The following SVIL variants were observed in gnomAD, a reference collection of about 807,000 sequenced individuals.
SVIL encodes the protein supervillin.
In SVIL, 101 loss-of-function variants were observed where a neutral mutation model predicts 240.4. That is an observed-to-expected ratio of 0.42 (90% CI 0.36 to 0.50). The LOEUF is 0.50. Among genes scored for constraint, SVIL ranks in the 20% least tolerant of loss-of-function variants. The pLI is 0.01. For missense variants in SVIL, 2,512 were observed against 2,818.7 expected, an observed-to-expected ratio of 0.89 and a Z score of 2.46; for synonymous variants, 999 against 1,100.0, an observed-to-expected ratio of 0.91 and a Z score of 1.82.
At chr10:29,522,273 T>A in intron 16 of SVIL, 137 bp downstream of exon 16, 3 of 875,370 alleles carry the variant, frequency 3.4e-6, no homozygotes, top group Non-Finnish European at 5.2e-6. Context: ...CTAGAATTAC[T>A]CCAGGACAAC....
In SVIL at chr10:29,467,869, G is replaced by A. The variant is rs745455688; in HGVS notation, c.5850C>T (p.Pro1950=). ...TGCTACTATGCAGTCCTGCTTCCAG[G>A]GGACATCTGCAAGGGAGAAACTCCA... ...TAANKIKEQC[P]LEAGLHSSSK... The change falls in exon 33 of 38, where the codon CCC becomes CCT. Residue 1950 remains proline (P), a synonymous_variant. Transcript: ENST00000355867. 3 of 1,614,068 alleles carry A rather than the reference G, an allele frequency of 1.9e-6. No homozygotes were observed. Among genetic ancestry groups the A allele is most frequent in the South Asian group, 2.2e-5 (2 of 91,058 alleles).
At chr10:29,468,395 A>G (rs1400103386) in intron 32 of SVIL, among the ~76,000 whole-genome samples, 7 of 152,100 alleles carry the variant, frequency 4.6e-5, no homozygotes, top group East Asian at 1.9e-4. Flanking sequence ...TTTGGCCACT[A>G]TGACTAATAT....
intron 3 of SVIL, chr10:29,643,907 C>A (rs959996023): frequency 6.2e-6 from 3 of 486,112 alleles, no homozygotes; most frequent in Non-Finnish European, 8.2e-6. Context: ...GAGATGTGAA[C>A]TTGCCAGGGG....
intron 28 of SVIL, 25 bp downstream of exon 28, chr10:29,481,559 T>G (rs773774756): frequency 6.2e-7 from 1 of 1,612,216 alleles, no homozygotes; most frequent in Non-Finnish European, 8.5e-7. Context: ...AAGCCCCGAG[T>G]TTTGAGGCTT....
chr10:29,729,450 GGTGTGTGTGTGT>G (rs55940009), intron 1 of SVIL, among the ~76,000 whole-genome samples: 20,778 of 136,550 alleles, frequency 0.15, 1,939 homozygotes, highest in African/African-American at 0.26. Context: ...TGTTTATGGA[GGTGTGTGTGTGT>G]GTGTGTGTGT....
chr10:29,718,498 A>G lies in SVIL; in HGVS notation c.-400+17253T>C, dbSNP rs902394646. ...GCATCTAAAAGTTTCTTAGAAATGTAGAGTCTCAGACCCTAGCAAAAACCT... is the reference window on the plus strand; with the variant it reads ...GCATCTAAAAGTTTCTTAGAAATGTGGAGTCTCAGACCCTAGCAAAAACCT... On this transcript the variant is annotated intron_variant, in intron 1 of 35. Transcript: ENST00000375400. Among the ~76,000 whole-genome samples the G allele has an allele frequency of 2.6e-5, 4 of 152,284 alleles. No homozygotes were observed. The South Asian group carries it at 6.2e-4, about 24-fold the overall frequency.
At chr10:29,544,248 G>T (rs1171272174) in intron 6 of SVIL, among the ~76,000 whole-genome samples, 1 of 152,098 alleles carries the variant, frequency 6.6e-6, no homozygotes, top group Non-Finnish European at 1.5e-5. Flanking sequence ...ATTAACTTTT[G>T]AATCTCATTA....
chr10:29,617,612 GA>G, intron 1 of SVIL, among the ~76,000 whole-genome samples: 1 of 151,546 alleles, frequency 6.6e-6, no homozygotes, highest in Admixed American at 6.6e-5. Context: ...AAAAAAAAGA[GA>G]AATTCTGTCT....
intron 16 of SVIL, among the ~76,000 whole-genome samples, chr10:29,515,382 TTATCC>T (rs1398500326): frequency 5.8e-4 from 89 of 152,350 alleles, no homozygotes; most frequent in African/African-American, 2.1e-3. Flanking sequence ...TGAGTCAGTT[TTATCC>T]TAATAAAATA....
At chr10:29,511,199 C>A (rs1294705742) in intron 17 of SVIL, among the ~76,000 whole-genome samples, 1 of 136,368 alleles carries the variant, frequency 7.3e-6, no homozygotes, top group East Asian at 2.0e-4. Flanking sequence ...AAACCTTAGC[C>A]AGCGTTCAGG....
chr10:29,524,869 T>C (rs1950794333), intron 13 of SVIL, among the ~76,000 whole-genome samples, 154 bp from the exon 14 acceptor site: 1 of 151,972 alleles, frequency 6.6e-6, no homozygotes, highest in Admixed American at 6.6e-5. Context: ...GCTGTTCAGC[T>C]ACTCAACAAG....
intron 16 of SVIL, among the ~76,000 whole-genome samples, chr10:29,517,163 G>T (rs1436169938): frequency 6.6e-6 from 1 of 152,132 alleles, no homozygotes; most frequent in Non-Finnish European, 1.5e-5. Context: ...TGTAATCCCA[G>T]CACTTTGGAA....
At chr10:29,562,419 G>C (rs1398024749) in intron 3 of SVIL, among the ~76,000 whole-genome samples, 1 of 152,224 alleles carries the variant, frequency 6.6e-6, no homozygotes. Flanking sequence ...TCATGATAAA[G>C]TCTGCACGGG....
rs71023503 is a variant in SVIL at position 29,717,232 on chromosome 10, CAAAAAAAAAAAAAA to C, written c.-400+18505_-400+18518del. 6.6e-3 allele frequency among the ~76,000 whole-genome samples: 252 copies of C among 38,334 alleles called. 3 individuals carry two copies. Among genetic ancestry groups the C allele is most frequent in the African/African-American group, 0.019 (197 of 10,442 alleles). 25.1% of individuals were successfully genotyped at this position (38,334 alleles called of 152,430 possible). On this transcript the variant is annotated intron_variant, in intron 1 of 35. Transcript: ENST00000375400. ...TGGGCGACAGAGCAAGACTCTCTCTCAAAAAAAAAAAAAAAAAAAAAAAAAAAAAAAAATAGGCA... is the reference window on the plus strand; with the variant it reads ...TGGGCGACAGAGCAAGACTCTCTCTCAAAAAAAAAAAAAAAAAAATAGGCA...
intron 2 of SVIL, among the ~76,000 whole-genome samples, chr10:29,679,079 C>T (rs1161038629): frequency 6.6e-6 from 1 of 152,192 alleles, no homozygotes; most frequent in Non-Finnish European, 1.5e-5. Context: ...GTGGCGCACG[C>T]CTGTAATCCC....
intron 13 of SVIL, 97 bp from the exon 14 acceptor site, chr10:29,524,812 G>A: frequency 1.3e-6 from 2 of 1,557,254 alleles, no homozygotes; most frequent in Non-Finnish European, 1.7e-6. Context: ...ACATCATTTT[G>A]CAAAGGGCTT....
intron 2 of SVIL, among the ~76,000 whole-genome samples, chr10:29,680,307 C>T (rs1960537033): frequency 6.6e-6 from 1 of 152,326 alleles, no homozygotes; most frequent in Non-Finnish European, 1.5e-5. Context: ...TATGACCCAG[C>T]TAGCTTCTTG....
chr10:29,463,278 C>A (rs1224809574), intron 35 of SVIL, among the ~76,000 whole-genome samples: 6 of 152,110 alleles, frequency 3.9e-5, no homozygotes, highest in Non-Finnish European at 7.4e-5. Context: ...AAAACTAGTT[C>A]TTCTTCATGC....
chr10:29,479,191 C>T (rs1946556292), intron 29 of SVIL, among the ~76,000 whole-genome samples: 1 of 152,144 alleles, frequency 6.6e-6, no homozygotes, highest in Admixed American at 6.5e-5. Flanking sequence ...TGTAGCCAGA[C>T]TCACAGCTGC....
Sources: gnomAD v4.1 joint callset for allele counts (sites outside exome capture counted in the v4.1 genomes callset) on GRCh38, gnomAD v4.1.1 for gene constraint, MANE v1.5 for transcripts, NCBI Gene and HGNC (gene_info 2026-07-23, HGNC 2026-07-21) for gene names.